TLE3: variants seen among roughly 807,000 people sequenced by gnomAD.
The protein encoded by TLE3 is transducin-like enhancer protein 3.
Under a neutral mutation model 93.0 loss-of-function variants are expected in TLE3, and 14 were observed. The observed-to-expected ratio is 0.15, with a 90% CI of 0.10 to 0.24. The LOEUF is 0.24. Among genes scored for constraint, TLE3 ranks in the 10% least tolerant of loss-of-function variants. The pLI is 1.00. For synonymous variants in TLE3, 451 were observed against 425.0 expected, an observed-to-expected ratio of 1.06 and a Z score of -0.75; for missense variants, 693 against 1,046.6, an observed-to-expected ratio of 0.66 and a Z score of 4.66.
chr15:70,058,109 C>A lies in TLE3; in HGVS notation c.1051+50G>T, dbSNP rs1399818805. On this transcript the variant is annotated intron_variant, in intron 12 of 19. Coordinates refer to ENST00000451782, the MANE Select transcript of TLE3 (RefSeq NM_001105192.3). The surrounding 1 kb of genome is among the most constrained non-coding windows in gnomAD (Gnocchi z 4.1). ...ACCCCTGCCCTGGCCAAGAGCAGACCCCCTCCCCCCAATCAGATTAACCCA... is the reference window on the plus strand; with the variant it reads ...ACCCCTGCCCTGGCCAAGAGCAGACACCCTCCCCCCAATCAGATTAACCCA... 1.2e-6 allele frequency: 2 copies of A among 1,612,894 alleles called. No individual in the cohort carries two copies. The highest frequency in any genetic ancestry group is 1.3e-5 in the African/African-American group (1 of 75,008).
At position 70,058,320 on chromosome 15, in the gene TLE3, G is replaced by A; in HGVS notation, c.919-29C>T. 6.4e-7 allele frequency: 1 copy of A among 1,565,592 alleles called. No homozygotes were observed. Among genetic ancestry groups the A allele is most frequent in the Non-Finnish European group, 8.7e-7 (1 of 1,154,222 alleles). On this transcript the variant is annotated intron_variant, in intron 11 of 19. Transcript: ENST00000451782. The surrounding 1 kb of genome is among the most constrained non-coding windows in gnomAD (Gnocchi z 4.1). ...AAGAGGGGAGATGCAGAACAAGGGA[G>A]GCCATGAGGCTTCCATTCTCCTAGG...
chr15:70,078,931 G>A (rs1413882461), intron 4 of TLE3, among the ~76,000 whole-genome samples: 2 of 152,216 alleles, frequency 1.3e-5, no homozygotes, highest in Non-Finnish European at 2.9e-5. Context: ...GGTCTCGGGA[G>A]TTGACAAAAA....
At chr15:70,096,747 T>G in intron 1 of TLE3, 28 bp downstream of exon 1, 1 of 1,612,656 alleles carries the variant, frequency 6.2e-7, no homozygotes, top group South Asian at 1.1e-5. Context: ...TGATAGATGC[T>G]TAAATAAACC....
At chr15:70,052,194 C>A (rs1301983092) in intron 18 of TLE3, among the ~76,000 whole-genome samples, 180 bp downstream of exon 18, 1 of 152,244 alleles carries the variant, frequency 6.6e-6, no homozygotes, top group African/African-American at 2.4e-5. Context: ...ATCCGAGAAA[C>A]AAGGATGTGG....
intron 4 of TLE3, chr15:70,079,343 C>A (rs376726278): frequency 2.4e-5 from 12 of 499,658 alleles, no homozygotes; most frequent in African/African-American, 2.1e-4. Context: ...TTTGGCACGT[C>A]ACCAGACAGG....
chr15:70,096,478 C>T, intron 1 of TLE3: 1 of 1,155,346 alleles, frequency 8.7e-7, no homozygotes, highest in Non-Finnish European at 1.2e-6. Flanking sequence ...AAGGGCCTCC[C>T]TCTCCCCAGT....
Position 70,060,651 on chromosome 15 carries a change from T to A in TLE3, c.595-2A>T. On this transcript the variant is annotated splice_acceptor_variant, in intron 8 of 19. Coordinates refer to ENST00000451782, the MANE Select transcript of TLE3 (RefSeq NM_001105192.3). LOFTEE classifies it high-confidence loss of function. Reference sequence around the variant, plus strand: ...TTCCGAGGGTGACACAGAGTTATTCTGGAAGGAAAAAGAGGGTTCGGGGTT... The same window carrying A: ...TTCCGAGGGTGACACAGAGTTATTCAGGAAGGAAAAAGAGGGTTCGGGGTT... 1.9e-6 allele frequency: 3 copies of A among 1,613,720 alleles called. No individual in the cohort carries two copies. Among genetic ancestry groups the A allele is most frequent in the Non-Finnish European group, 2.5e-6 (3 of 1,179,740 alleles).
Position 70,095,318 on chromosome 15 carries a change from G to A in TLE3, c.189+260C>T, listed in dbSNP as rs554051260. 4.4e-5 allele frequency: 60 copies of A among 1,376,490 alleles called. No individual in the cohort carries two copies. The African/African-American group carries it at 8.5e-4, about 19-fold the overall frequency. 85.3% of individuals were successfully genotyped at this position (1,376,490 alleles called of 1,614,324 possible). A position where few individuals can be genotyped will look rare whatever the true frequency, so the allele number is the denominator to read the frequency against. ...GGAAACTTTCAAAACACAAATTAAA[G>A]GCACATAAAGATAGTACAGAAGTCT... On this transcript the variant is annotated intron_variant, in intron 3 of 19. Transcript: ENST00000451782.
intron 4 of TLE3, among the ~76,000 whole-genome samples, chr15:70,088,872 G>A (rs906042396): frequency 1.3e-5 from 2 of 150,298 alleles, no homozygotes; most frequent in African/African-American, 4.9e-5. Context: ...CCCAGAGCGG[G>A]CCCCCGCCCC....
chr15:70,095,581 C>G lies in TLE3; in HGVS notation c.186G>C (p.Val62=), dbSNP rs1185093360. The G allele has an allele frequency of 3.9e-6, 6 of 1,551,328 alleles. No individual in the cohort carries two copies. Among genetic ancestry groups the G allele is most frequent in the Non-Finnish European group, 5.2e-6 (6 of 1,146,788 alleles). The change falls in exon 3 of 20, where the codon GTG becomes GTC. Residue 62 remains valine (V), a synonymous_variant. Coordinates refer to ENST00000451782, the MANE Select transcript of TLE3 (RefSeq NM_001105192.3). ...CAGGCCCGCGGCCGCATCTCACCAT[C>G]ACATAATGGCGCTGCATCTCCGTCT... ...NEKTEMQRHY[V]MYYEMSYGLN...
rs2056483899 is a variant in TLE3, at chr15:70,061,685, CT to C, written c.595-1037del. ...TGATATTGGTGAGGTTTACTCCTTT[CT>C]AAGAGTCCAAACTTTACCTTCACCC... On this transcript the variant is annotated intron_variant, in intron 8 of 19. Transcript: ENST00000451782. 2.6e-5 allele frequency among the ~76,000 whole-genome samples: 4 copies of C among 152,292 alleles called. No individual in the cohort carries two copies. The South Asian group carries it at 8.3e-4, about 32-fold the overall frequency.
rs893724841 is a variant in TLE3, at chr15:70,049,939, C to T, written c.*158G>A. The T allele has an allele frequency of 5.1e-5, 31 of 611,714 alleles. No individual in the cohort carries two copies. Among genetic ancestry groups the T allele is most frequent in the Admixed American group, 2.0e-4 (7 of 35,674 alleles). The allele number at this position is 611,714 out of a possible 1,614,324, so 37.9% of individuals were successfully genotyped here. Reference sequence around the variant, plus strand: ...CCAGGCCCAGGAGTCCAGACTGTGACGGGGCACGTGCCCTCTCAGCCGGCC... The same window carrying T: ...CCAGGCCCAGGAGTCCAGACTGTGATGGGGCACGTGCCCTCTCAGCCGGCC... On this transcript the variant is annotated 3_prime_UTR_variant, in exon 20 of 20. Coordinates refer to ENST00000451782, the MANE Select transcript of TLE3 (RefSeq NM_001105192.3).
intron 17 of TLE3, chr15:70,053,021 G>A (rs4777226): frequency 0.41 from 234,745 of 576,118 alleles, 49,891 homozygotes; most frequent in Middle Eastern, 0.56. Context: ...TCCACAGTTG[G>A]GCCAAATGTG....
chr15:70,083,409 G>C (rs76112397), intron 4 of TLE3, among the ~76,000 whole-genome samples: 2,603 of 152,180 alleles, frequency 0.017, 38 homozygotes, highest in Non-Finnish European at 0.027. Flanking sequence ...CCCTACTTGT[G>C]GGGGGAGATG....
intron 14 of TLE3, chr15:70,055,821 C>T (rs761860723): frequency 2.1e-5 from 5 of 236,328 alleles, no homozygotes; most frequent in Admixed American, 5.1e-5. Context: ...GGCAGTGTCT[C>T]GGCATTATCT....
intron 4 of TLE3, among the ~76,000 whole-genome samples, chr15:70,081,029 T>G (rs554916647): frequency 2.0e-5 from 3 of 152,276 alleles, no homozygotes; most frequent in African/African-American, 7.2e-5. Context: ...CCTTTTAACC[T>G]CAGCCAAATA....
chr15:70,076,997 C>G (rs948730849), intron 4 of TLE3, among the ~76,000 whole-genome samples: 2 of 152,190 alleles, frequency 1.3e-5, no homozygotes, highest in African/African-American at 4.8e-5. Context: ...GGACTACAGA[C>G]AGGAGCCACC....
chr15:70,077,495 G>A (rs1374553681), intron 4 of TLE3, among the ~76,000 whole-genome samples: 1 of 152,196 alleles, frequency 6.6e-6, no homozygotes, highest in Non-Finnish European at 1.5e-5. Flanking sequence ...ATCTGAAGGC[G>A]CATAAATAGA....
chr15:70,051,504 C>G, intron 18 of TLE3, 37 bp from the exon 19 acceptor site: 2 of 1,567,862 alleles, frequency 1.3e-6, no homozygotes, highest in Non-Finnish European at 1.7e-6. Context: ...CAGGTTGTAG[C>G]TCACTGCCCT....
Sources: allele counts gnomAD v4.1 joint callset (sites outside exome capture counted in the v4.1 genomes callset), GRCh38; gene constraint gnomAD v4.1.1; non-coding constraint Gnocchi (gnomAD v3.1); transcripts MANE v1.5; gene names NCBI Gene and HGNC (gene_info 2026-07-23, HGNC 2026-07-21).